Variants in FBXO25 observed in about 807,000 individuals in gnomAD.
FBXO25 encodes the protein F-box only protein 25.
Under a neutral mutation model 51.9 loss-of-function variants are expected in FBXO25, and 45 were observed. The observed-to-expected ratio is 0.87, with a 90% CI of 0.68 to 1.11. FBXO25 has a LOEUF of 1.11. Ranked by LOEUF, FBXO25 falls within the 50% of genes most tolerant of loss-of-function variation. The pLI, the probability that FBXO25 is intolerant of heterozygous loss-of-function variation, is 0.00. For missense variants in FBXO25, 507 were observed against 428.5 expected (o/e 1.18, Z -1.62); for synonymous variants, 199 against 151.0 (o/e 1.32, Z -2.33).
At chr8:428,450 G>A (rs534909263) in intron 2 of FBXO25, among the ~76,000 whole-genome samples, 365 of 135,022 alleles carry the variant, frequency 2.7e-3, no homozygotes, top group Non-Finnish European at 4.3e-3. Flanking sequence ...CCCATCCCTC[G>A]GACATGCACC....
At chr8:411,545 A>G (rs2117405447) in intron 1 of FBXO25, among the ~76,000 whole-genome samples, 1 of 152,252 alleles carries the variant, frequency 6.6e-6, no homozygotes, top group South Asian at 2.1e-4. Context: ...CTCTCTTCTG[A>G]ACCATGGATG....
At chr8:412,895 C>G (rs1796568508) in intron 1 of FBXO25, among the ~76,000 whole-genome samples, 178 bp from the exon 2 acceptor site, 1 of 152,156 alleles carries the variant, frequency 6.6e-6, no homozygotes, top group Non-Finnish European at 1.5e-5. Context: ...CCCATTTGAT[C>G]ACTTTAGTAC....
chr8:419,188 C>G (rs1282666454), intron 2 of FBXO25, among the ~76,000 whole-genome samples: 3 of 151,184 alleles, frequency 2.0e-5, no homozygotes, highest in Non-Finnish European at 2.9e-5. Flanking sequence ...GGTGAAACCC[C>G]GTCTCTACTA....
intron 5 of FBXO25, among the ~76,000 whole-genome samples, chr8:447,222 A>T (rs1027931283): frequency 1.3e-5 from 2 of 152,136 alleles, no homozygotes; most frequent in African/African-American, 4.8e-5. Flanking sequence ...TTACTCAGGG[A>T]CATGGGCTGT....
At chr8:424,889 T>C (rs1218439596) in intron 2 of FBXO25, among the ~76,000 whole-genome samples, 1 of 152,244 alleles carries the variant, frequency 6.6e-6, no homozygotes, top group Non-Finnish European at 1.5e-5. Flanking sequence ...TTTCTTGTTG[T>C]TCTTAAATGC....
chr8:457,257 G>C (rs1799502525), intron 7 of FBXO25, among the ~76,000 whole-genome samples: 1 of 152,200 alleles, frequency 6.6e-6, no homozygotes, highest in Non-Finnish European at 1.5e-5. Flanking sequence ...CGTGTTTCTA[G>C]TGAGAATGAA....
intron 4 of FBXO25, among the ~76,000 whole-genome samples, chr8:433,146 G>T (rs1376628016): frequency 2.0e-5 from 3 of 152,128 alleles, no homozygotes; most frequent in African/African-American, 7.2e-5. Context: ...TGTGGTATGT[G>T]GCTGTGTATT....
Position 470,151 on chromosome 8 carries a change from G to GAATC in FBXO25, c.*1349_*1352dup, listed in dbSNP as rs1800433482. 6.6e-6 allele frequency: 1 copy of GAATC among 152,026 alleles called. No homozygotes were observed. Among genetic ancestry groups the GAATC allele is most frequent in the Non-Finnish European group, 1.5e-5 (1 of 68,016 alleles). The allele number at this position is 152,026 out of a possible 1,614,324, so 9.4% of individuals were successfully genotyped here. A position where few individuals can be genotyped will look rare whatever the true frequency, so the allele number is the denominator to read the frequency against. On this transcript the variant is annotated 3_prime_UTR_variant, in exon 10 of 10. Transcript: ENST00000350302. ...AAACTTGGCTTTTATTAGCTCCACA[G>GAATC]AATCACCCAGATGGAACAGGCTTTT...
intron 5 of FBXO25, among the ~76,000 whole-genome samples, chr8:449,322 C>T (rs1220569542): frequency 6.6e-6 from 1 of 152,234 alleles, no homozygotes; most frequent in Non-Finnish European, 1.5e-5. Flanking sequence ...CCTGGAGGGG[C>T]AGGTGGAGCA....
rs765331447 is a variant in FBXO25 at position 467,716 on chromosome 8, G to A, written c.988-999G>A. On this transcript the variant is annotated intron_variant, in intron 9 of 9. Coordinates refer to ENST00000350302, the MANE Select transcript of FBXO25 (RefSeq NM_183420.2). ...TTCCTGATTCTTTCTTCATGATCTC[G>A]AAGGACTACCATCTTGCTTTACTAT... 6.8e-5 allele frequency: 109 copies of A among 1,613,324 alleles called. 1 individual carries two copies. The highest frequency in any genetic ancestry group is 3.2e-4 in the South Asian group (29 of 91,026).
chr8:456,085 C>T (rs1027095960), intron 7 of FBXO25, among the ~76,000 whole-genome samples: 2 of 152,214 alleles, frequency 1.3e-5, no homozygotes, highest in Non-Finnish European at 2.9e-5. Flanking sequence ...TATTTGTAAA[C>T]TACTGTCTGC....
At position 469,543 on chromosome 8, in the gene FBXO25, A is replaced by G. The variant is rs1585118467; in HGVS notation, c.*739A>G. 6.6e-6 allele frequency: 1 copy of G among 152,246 alleles called. No individual in the cohort carries two copies. The allele number at this position is 152,246 out of a possible 1,614,324, so 9.4% of individuals were successfully genotyped here. ...AATTGTGTTGAAACTACTTTAATAG[A>G]CAAAGTAATAAATCATGTTTATCTA... On this transcript the variant is annotated 3_prime_UTR_variant, in exon 10 of 10. Coordinates refer to ENST00000350302, the MANE Select transcript of FBXO25 (RefSeq NM_183420.2).
At chr8:445,588 C>T (rs1332932967) in intron 5 of FBXO25, among the ~76,000 whole-genome samples, 1 of 152,226 alleles carries the variant, frequency 6.6e-6, no homozygotes, top group Non-Finnish European at 1.5e-5. Context: ...TGCAGTGGCT[C>T]ACGCCTATAA....
intron 7 of FBXO25, among the ~76,000 whole-genome samples, chr8:457,007 A>C (rs967055626): frequency 3.3e-5 from 5 of 151,722 alleles, no homozygotes; most frequent in Non-Finnish European, 5.9e-5. Flanking sequence ...CCAAAAATAG[A>C]TGGTCACTGT....
chr8:453,032 C>T (rs1214150562), intron 7 of FBXO25, among the ~76,000 whole-genome samples: 1 of 152,176 alleles, frequency 6.6e-6, no homozygotes, highest in Non-Finnish European at 1.5e-5. Context: ...GGAAGACACT[C>T]TGCTTTTGGC....
intron 2 of FBXO25, among the ~76,000 whole-genome samples, chr8:430,153 T>G (rs1193413945): frequency 1.1e-4 from 16 of 152,242 alleles, no homozygotes. Context: ...AACATTGTAT[T>G]TGTGCTTTTC....
intron 7 of FBXO25, among the ~76,000 whole-genome samples, chr8:454,864 C>T (rs1193583532): frequency 7.3e-6 from 1 of 136,360 alleles, no homozygotes; most frequent in African/African-American, 2.9e-5. Flanking sequence ...GCACTCCAGC[C>T]TGGGTGACAG....
rs964051965 is a variant in FBXO25 at position 475,611 on chromosome 8, T to A, written c.*6807T>A. 1.3e-5 allele frequency: 2 copies of A among 152,218 alleles called. No homozygotes were observed. The highest frequency in any genetic ancestry group is 2.4e-5 in the African/African-American group (1 of 41,462). The allele number at this position is 152,218 out of a possible 1,614,324, so 9.4% of individuals were successfully genotyped here. Reference sequence around the variant, plus strand: ...CTTTCTTTAAGCAGTGTTTTATGGTTTTCAAGTACAAGTCTTTTGCTTCCT... The same window carrying A: ...CTTTCTTTAAGCAGTGTTTTATGGTATTCAAGTACAAGTCTTTTGCTTCCT... On this transcript the variant is annotated 3_prime_UTR_variant, in exon 10 of 10. Transcript: ENST00000350302.
At position 469,127 on chromosome 8, in the gene FBXO25, C is replaced by G. The variant is rs1800385217; in HGVS notation, c.*323C>G. On this transcript the variant is annotated 3_prime_UTR_variant, in exon 10 of 10. Transcript: ENST00000350302. ...CTCCACATTCTTTGTTGACGTGACA[C>G]TAACGGCCAATAATATGCTTCTTAA... The G allele has an allele frequency of 4.0e-6, 1 of 250,560 alleles. No individual in the cohort carries two copies. 15.5% of individuals were successfully genotyped at this position (250,560 alleles called of 1,614,324 possible).
Sources: allele counts gnomAD v4.1 joint callset (sites outside exome capture counted in the v4.1 genomes callset), GRCh38; gene constraint gnomAD v4.1.1; transcripts MANE v1.5; gene names NCBI Gene and HGNC (gene_info 2026-07-23, HGNC 2026-07-21).